The following ZFAT variants were observed in gnomAD, a reference collection of about 807,000 sequenced individuals.
ZFAT encodes the protein zinc finger and AT-hook domain containing.
In ZFAT, 64 loss-of-function variants were observed where a neutral mutation model predicts 117.7. The ratio of observed to expected loss-of-function variants is 0.54; its 90% CI spans 0.44 to 0.67. The LOEUF is 0.67. Ranked by LOEUF, ZFAT falls within the 30% of genes least tolerant of loss-of-function variation. ZFAT has a pLI of 0.00. For synonymous variants in ZFAT, 679 were observed against 615.0 expected (o/e 1.10, Z -1.54); for missense variants, 1,433 against 1,584.5 (o/e 0.90, Z 1.62).
chr8:134,644,557 C>T (rs1393926592), intron 2 of ZFAT, among the ~76,000 whole-genome samples: 1 of 152,102 alleles, frequency 6.6e-6, no homozygotes, highest in Non-Finnish European at 1.5e-5. Flanking sequence ...CATGCACACT[C>T]ACACACGTAC....
At chr8:134,552,485 A>G (rs757807541) in intron 11 of ZFAT, among the ~76,000 whole-genome samples, 1 of 152,232 alleles carries the variant, frequency 6.6e-6, no homozygotes, top group Middle Eastern at 3.2e-3. Flanking sequence ...TAGTTATGCA[A>G]ATTTTAGGCT....
the ZFAT span, among the ~76,000 whole-genome samples, chr8:134,719,527 G>A: frequency 6.6e-6 from 1 of 152,148 alleles, no homozygotes; most frequent in African/African-American, 2.4e-5. Context: ...TGCAGAACTC[G>A]AAAAAGTGAC....
chr8:134,653,466 T>C (rs1831408692), intron 2 of ZFAT, among the ~76,000 whole-genome samples: 1 of 145,048 alleles, frequency 6.9e-6, no homozygotes, highest in South Asian at 2.2e-4. Flanking sequence ...AGTCCCATTA[T>C]GTTGCACAGG....
At chr8:134,572,630 T>C (rs980501218) in intron 10 of ZFAT, among the ~76,000 whole-genome samples, 1 of 152,100 alleles carries the variant, frequency 6.6e-6, no homozygotes, top group Non-Finnish European at 1.5e-5. Flanking sequence ...ATCTCAGGAG[T>C]AGTCGCTTCT....
chr8:134,717,351 T>C (rs1454256486), upstream of ZFAT, among the ~76,000 whole-genome samples: 8 of 149,214 alleles, frequency 5.4e-5, no homozygotes, highest in Admixed American at 5.3e-4. Flanking sequence ...TGCCACTCAG[T>C]GCACCTGGGA....
chr8:134,584,461 G>A (rs1334498394), intron 9 of ZFAT, among the ~76,000 whole-genome samples: 1 of 152,230 alleles, frequency 6.6e-6, no homozygotes, highest in Non-Finnish European at 1.5e-5. Context: ...CAATTGAACT[G>A]AGTTAGACTA....
intron 2 of ZFAT, among the ~76,000 whole-genome samples, chr8:134,641,203 C>T (rs1367968818): frequency 6.6e-6 from 1 of 152,074 alleles, no homozygotes; most frequent in Admixed American, 6.6e-5. Flanking sequence ...TCCTTTAGCA[C>T]GTGATCCAAC....
the ZFAT span, among the ~76,000 whole-genome samples, chr8:134,744,855 A>G: frequency 0.42 from 62,254 of 147,412 alleles, 13,525 homozygotes; most frequent in African/African-American, 0.55. Flanking sequence ...TCAGCCTCCC[A>G]AGTAGCTGGG....
chr8:134,563,685 G>A (rs192289403), intron 11 of ZFAT, among the ~76,000 whole-genome samples: 4 of 152,292 alleles, frequency 2.6e-5, no homozygotes, highest in African/African-American at 7.2e-5. Context: ...TTTCAAAGAC[G>A]GAAGATAATA....
At chr8:134,715,637 C>T (rs1374671732), upstream of ZFAT, among the ~76,000 whole-genome samples, 1 of 152,196 alleles carries the variant, frequency 6.6e-6, no homozygotes, top group Non-Finnish European at 1.5e-5. Context: ...ATGTAAATCA[C>T]TCGAAAGTAT....
intron 1 of ZFAT, among the ~76,000 whole-genome samples, chr8:134,682,985 C>T (rs1263931253): frequency 6.6e-6 from 1 of 152,206 alleles, no homozygotes; most frequent in East Asian, 1.9e-4. Flanking sequence ...GCCCTTAAGG[C>T]ACCTCTGTGA....
At chr8:134,656,404 G>A (rs1831606139) in intron 2 of ZFAT, among the ~76,000 whole-genome samples, 1 of 152,152 alleles carries the variant, frequency 6.6e-6, no homozygotes, top group Admixed American at 6.5e-5. Context: ...ACAGAAGTAA[G>A]AAATACTAAC....
chr8:134,793,716 G>C, the ZFAT span: 1 of 145,428 alleles, frequency 6.9e-6, no homozygotes, highest in Non-Finnish European at 1.5e-5. Flanking sequence ...CCACAGACCA[G>C]TACCAGTCAA....
At chr8:134,616,046 G>A (rs1828707743) in intron 3 of ZFAT, among the ~76,000 whole-genome samples, 1 of 152,148 alleles carries the variant, frequency 6.6e-6, no homozygotes, top group African/African-American at 2.4e-5. Flanking sequence ...AGGTGAGGCA[G>A]GAGAAGAACT....
intron 15 of ZFAT, among the ~76,000 whole-genome samples, chr8:134,499,560 C>G (rs1272429154): frequency 8.1e-6 from 1 of 123,728 alleles, no homozygotes; most frequent in African/African-American, 3.1e-5. Flanking sequence ...TTGGTAGGGT[C>G]GGGGTGGAGC....
chr8:134,737,519 T>G, the ZFAT span, among the ~76,000 whole-genome samples: 1 of 133,406 alleles, frequency 7.5e-6, no homozygotes, highest in African/African-American at 2.7e-5. Context: ...GTTCAAGGGA[T>G]ACAAAAAGTG....
At chr8:134,509,838 T>C (rs1658869919) in intron 14 of ZFAT, 89 bp from the exon 15 acceptor site, 25 of 1,494,306 alleles carry the variant, frequency 1.7e-5, no homozygotes, top group Non-Finnish European at 2.2e-5. Flanking sequence ...TTCTCTCGGG[T>C]GACGCCTTCT....
rs144023463 is a variant in ZFAT at position 134,521,948 on chromosome 8, C to T, written c.3116-947G>A. ...CGATTCCAGCAGGTCATTCCCTAGT[C>T]GCAAACTCTGGCTTCCCATCCTTCT... On this transcript the variant is annotated intron_variant, in intron 12 of 15. Transcript: ENST00000377838. 6.7e-3 allele frequency among the ~76,000 whole-genome samples: 1,028 copies of T among 152,304 alleles called. 6 individuals carry two copies. The highest frequency in any genetic ancestry group is 0.014 in the Middle Eastern group (4 of 294).
intron 15 of ZFAT, among the ~76,000 whole-genome samples, chr8:134,503,919 C>T (rs1412622010): frequency 1.3e-5 from 2 of 149,576 alleles, no homozygotes; most frequent in African/African-American, 2.4e-5. Flanking sequence ...AACACAAACA[C>T]ACACACACAC....
Sources: allele counts gnomAD v4.1 joint callset (sites outside exome capture counted in the v4.1 genomes callset), GRCh38; gene constraint gnomAD v4.1.1; transcripts MANE v1.5; gene names NCBI Gene and HGNC (gene_info 2026-07-23, HGNC 2026-07-21).